The following RTTN variants were observed in gnomAD, a reference collection of about 807,000 sequenced individuals.
RTTN encodes rotatin.
In RTTN, 182 loss-of-function variants were observed where a neutral mutation model predicts 269.2. The ratio of observed to expected loss-of-function variants is 0.68; its 90% CI spans 0.60 to 0.76. The LOEUF is 0.76. RTTN is among the 30% of genes least tolerant of loss of function. The pLI is 0.00. For synonymous variants in RTTN, 1,006 were observed against 963.5 expected, an observed-to-expected ratio of 1.04 and a Z score of -0.82; for missense variants, 2,545 against 2,608.6, an observed-to-expected ratio of 0.98 and a Z score of 0.53.
intron 40 of RTTN, among the ~76,000 whole-genome samples, chr18:70,031,899 A>T (rs1222324052): frequency 6.6e-6 from 1 of 152,064 alleles, no homozygotes; most frequent in Non-Finnish European, 1.5e-5. Flanking sequence ...CCTGGCCCCC[A>T]ACAACTCCTG....
chr18:70,012,581 C>G (rs964287676), intron 46 of RTTN, among the ~76,000 whole-genome samples: 2 of 151,652 alleles, frequency 1.3e-5, no homozygotes, highest in Non-Finnish European at 2.9e-5. Flanking sequence ...GGTTAGAGGG[C>G]AGCGTCTGCT....
chr18:70,085,718 C>A (rs1438634292), intron 32 of RTTN, among the ~76,000 whole-genome samples: 1 of 152,024 alleles, frequency 6.6e-6, no homozygotes, highest in East Asian at 1.9e-4. Flanking sequence ...TGAACTAACT[C>A]AAAAATAGAA....
intron 34 of RTTN, among the ~76,000 whole-genome samples, chr18:70,072,971 G>A (rs958126743): frequency 6.6e-6 from 1 of 151,788 alleles, no homozygotes; most frequent in Non-Finnish European, 1.5e-5. Context: ...TGAATCTAGG[G>A]AAAAAAAGAC....
chr18:70,065,138 T>C (rs2058096221), intron 35 of RTTN, among the ~76,000 whole-genome samples: 1 of 152,098 alleles, frequency 6.6e-6, no homozygotes, highest in Admixed American at 6.6e-5. Context: ...TTCTAAATGT[T>C]TCAGAAAGTA....
rs530479625 is a variant in RTTN at position 70,004,397 on chromosome 18, A to T, written c.6596-161T>A. 6.0e-4 allele frequency among the ~76,000 whole-genome samples: 91 copies of T among 152,306 alleles called. 1 individual carries two copies. In the Middle Eastern group the frequency reaches 0.017, roughly 29 times the overall value. ...CATTCCAGAATATTTTGCATTTTTT[A>T]AAAAATAAACAAGTTACAAAATCAA... On this transcript the variant is annotated intron_variant, in intron 48 of 48. Transcript: ENST00000640769.
rs911506707 is a variant in RTTN at position 70,092,544 on chromosome 18, T to A, written c.4032+132A>T. On this transcript the variant is annotated intron_variant, in intron 29 of 48. Transcript: ENST00000640769. ...TAAGAAATATTCTAGTCAAAAATCA[T>A]TCACGTTACCTAAAAAGAAAAGTCA... 2.2e-5 allele frequency: 21 copies of A among 949,892 alleles called. No individual in the cohort carries two copies. In the East Asian group the frequency reaches 5.0e-4, roughly 23 times the overall value. The allele number at this position is 949,892 out of a possible 1,614,324, so 58.8% of individuals were successfully genotyped here.
chr18:70,116,014 A>T (rs1190718272), intron 26 of RTTN, among the ~76,000 whole-genome samples: 2 of 152,010 alleles, frequency 1.3e-5, no homozygotes, highest in African/African-American at 4.8e-5. Flanking sequence ...CTTAAGCAAT[A>T]TATGTCTTTG....
intron 46 of RTTN, 113 bp downstream of exon 46, chr18:70,017,294 C>T (rs761254785): frequency 1.4e-5 from 15 of 1,045,616 alleles, no homozygotes; most frequent in Non-Finnish European, 2.1e-5. Flanking sequence ...GTGCTTTGAA[C>T]ACAGTGGGTG....
intron 20 of RTTN, 38 bp downstream of exon 20, chr18:70,140,062 A>T (rs1265450262): frequency 7.5e-7 from 1 of 1,330,238 alleles, no homozygotes; most frequent in South Asian, 1.2e-5. Flanking sequence ...TAATCAAAAC[A>T]GCCTGTAAAA....
rs78975997 is a variant in RTTN at position 70,190,751 on chromosome 18, A to C, written c.1008-32T>G. On this transcript the variant is annotated intron_variant, in intron 8 of 48. Transcript: ENST00000640769. ...GATAAACAAATGATAAACCTTGCAT[A>C]CAGAAACAATCCCCAAACAGATTTA... The C allele has an allele frequency of 4.2e-5, 63 of 1,509,134 alleles. No homozygotes were observed. In the East Asian group the frequency reaches 1.4e-3, roughly 33 times the overall value. The allele number at this position is 1,509,134 out of a possible 1,614,324, so 93.5% of individuals were successfully genotyped here. A position where few individuals can be genotyped will look rare whatever the true frequency, so the allele number is the denominator to read the frequency against.
intron 14 of RTTN, among the ~76,000 whole-genome samples, chr18:70,153,913 G>GA (rs1273824288): frequency 3.3e-5 from 5 of 151,980 alleles, no homozygotes; most frequent in African/African-American, 1.2e-4. Context: ...TGTGACAAAA[G>GA]AAAAATCACA....
intron 40 of RTTN, among the ~76,000 whole-genome samples, chr18:70,037,230 T>C (rs2057202222): frequency 6.6e-6 from 1 of 152,284 alleles, no homozygotes; most frequent in South Asian, 2.1e-4. Flanking sequence ...CAACTCCTAG[T>C]ATTAGGCTGG....
In RTTN at chr18:70,105,880, T is replaced by C. The variant is rs80096699; in HGVS notation, c.3903+3618A>G. On this transcript the variant is annotated intron_variant, in intron 28 of 48. Coordinates refer to ENST00000640769, the MANE Select transcript of RTTN (RefSeq NM_173630.4). ...CCAAAATGTTTTTCAAACTGTATCTTAATTTAAAAACTATACACAATATAT... is the reference window on the plus strand; with the variant it reads ...CCAAAATGTTTTTCAAACTGTATCTCAATTTAAAAACTATACACAATATAT... 4.1e-3 allele frequency among the ~76,000 whole-genome samples: 628 copies of C among 152,260 alleles called. 2 individuals carry two copies. The highest frequency in any genetic ancestry group is 6.8e-3 in the Non-Finnish European group (463 of 68,014).
chr18:70,148,889 C>T lies in RTTN; in HGVS notation c.2309+12G>A, dbSNP rs144279235. On this transcript the variant is annotated intron_variant, in intron 17 of 48. Transcript: ENST00000640769. Reference sequence around the variant, plus strand: ...TCAATCTTTGACGTTCACAAGATTACGTTGTACTCACGATGGCTTTTTCAC... The same window carrying T: ...TCAATCTTTGACGTTCACAAGATTATGTTGTACTCACGATGGCTTTTTCAC... 9,768 of 1,612,854 alleles carry T rather than the reference C, an allele frequency of 6.1e-3. 42 individuals are homozygous for T. Among genetic ancestry groups the T allele is most frequent in the Non-Finnish European group, 7.1e-3 (8,398 of 1,179,152 alleles).
At chr18:70,006,217 T>C (rs1278371926) in intron 47 of RTTN, 164 bp downstream of exon 47, 2 of 531,966 alleles carry the variant, frequency 3.8e-6, no homozygotes, top group African/African-American at 3.8e-5. Flanking sequence ...TTTCAACTGA[T>C]GGTTTACTAA....
intron 14 of RTTN, among the ~76,000 whole-genome samples, chr18:70,152,721 G>A (rs542796131): frequency 3.3e-5 from 5 of 152,022 alleles, no homozygotes; most frequent in South Asian, 2.1e-4. Flanking sequence ...TTAGCTCCAC[G>A]TCCGTAATAC....
At chr18:70,167,102 G>A in intron 12 of RTTN, 71 bp from the exon 13 acceptor site, 1 of 955,122 alleles carries the variant, frequency 1.0e-6, no homozygotes, top group African/African-American at 1.6e-5. Flanking sequence ...AGCTAACTAA[G>A]CAGCTTCAAG....
chr18:70,165,551 C>T (rs936953979), intron 14 of RTTN, among the ~76,000 whole-genome samples: 7 of 151,766 alleles, frequency 4.6e-5, no homozygotes, highest in Admixed American at 1.3e-4. Flanking sequence ...TTCAAGAGTA[C>T]GCAGTAATAT....
Position 70,088,120 on chromosome 18 carries a change from A to C in RTTN, c.4171T>G (p.Ser1391Ala). The C allele has an allele frequency of 6.2e-7, 1 of 1,613,436 alleles. No homozygotes were observed. The highest frequency in any genetic ancestry group is 8.5e-7 in the Non-Finnish European group (1 of 1,179,730). The change falls in exon 31 of 49, where the codon TCA (serine) becomes GCA (alanine). Residue 1391 changes from serine (S) to alanine (A), a missense_variant. Physicochemically the swap from Ser to Ala is moderately conservative, Grantham distance 99. Coordinates refer to ENST00000640769, the MANE Select transcript of RTTN (RefSeq NM_173630.4). ...EVRFTSLGLG[S>A]ALTTLETGCV... ...CCCGTTTCAAGGGTGGTCAGTGCTGATCCTAATCCCAGTGAAGTGAATCTC... is the reference window on the plus strand; with the variant it reads ...CCCGTTTCAAGGGTGGTCAGTGCTGCTCCTAATCCCAGTGAAGTGAATCTC...
Sources: allele counts gnomAD v4.1 joint callset (sites outside exome capture counted in the v4.1 genomes callset), GRCh38; gene constraint gnomAD v4.1.1; transcripts MANE v1.5; gene names NCBI Gene and HGNC (gene_info 2026-07-23, HGNC 2026-07-21).